ARMH3: variants seen among roughly 807,000 people sequenced by gnomAD.
ARMH3 encodes armadillo like helical domain containing 3.
Under a neutral mutation model 99.1 loss-of-function variants are expected in ARMH3, and 60 were observed. That is an observed-to-expected ratio of 0.61 (90% CI 0.49 to 0.75). The LOEUF (loss-of-function observed/expected upper bound fraction) is 0.75. Among genes scored for constraint, ARMH3 ranks in the 30% least tolerant of loss-of-function variants. The probability of loss-of-function intolerance (pLI) is 0.00; values close to 1 mark genes in which losing one functional copy is unlikely to be tolerated. For missense variants in ARMH3, 679 were observed against 843.1 expected (o/e 0.81, Z 2.41); for synonymous variants, 285 against 292.8 (o/e 0.97, Z 0.27).
At chr10:101,926,686 A>C (rs2135637794) in intron 23 of ARMH3, among the ~76,000 whole-genome samples, 1 of 152,330 alleles carries the variant, frequency 6.6e-6, no homozygotes, top group East Asian at 1.9e-4. Flanking sequence ...ACCTTATAAA[A>C]GTTATAACTA....
chr10:102,032,949 G>C (rs1238256249), intron 4 of ARMH3, 77 bp downstream of exon 4: 1 of 1,516,178 alleles, frequency 6.6e-7, no homozygotes, highest in Non-Finnish European at 8.9e-7. Context: ...GCAACTCTAG[G>C]TTCCTCAGTT....
chr10:101,958,609 A>T (rs1283755029), intron 20 of ARMH3, among the ~76,000 whole-genome samples: 1 of 152,156 alleles, frequency 6.6e-6, no homozygotes, highest in Non-Finnish European at 1.5e-5. Flanking sequence ...AAAGGGGTTC[A>T]GCAGCTGCAG....
At chr10:101,964,376 C>T (rs1039840376) in intron 20 of ARMH3, among the ~76,000 whole-genome samples, 1 of 152,102 alleles carries the variant, frequency 6.6e-6, no homozygotes, top group Non-Finnish European at 1.5e-5. Context: ...ATTAAACGCA[C>T]ACAATCTCAA....
chr10:102,025,635 T>G (rs2066983848), intron 5 of ARMH3, among the ~76,000 whole-genome samples: 1 of 149,910 alleles, frequency 6.7e-6, no homozygotes, highest in South Asian at 2.1e-4. Flanking sequence ...TATATGTTTC[T>G]TTTCTTTTCT....
chr10:101,934,634 T>C (rs185189568), intron 23 of ARMH3, among the ~76,000 whole-genome samples: 1 of 152,290 alleles, frequency 6.6e-6, no homozygotes, highest in Admixed American at 6.5e-5. Context: ...CACTATTTCT[T>C]TCTGTGAGCA....
At chr10:101,908,697 CTT>C (rs1435952130) in intron 23 of ARMH3, among the ~76,000 whole-genome samples, 1 of 143,826 alleles carries the variant, frequency 7.0e-6, no homozygotes, top group Non-Finnish European at 1.5e-5. Flanking sequence ...GAGTTTCGCT[CTT>C]GTCACCAAGG....
intron 6 of ARMH3, among the ~76,000 whole-genome samples, chr10:102,024,682 G>A (rs2066960805): frequency 6.6e-6 from 1 of 151,646 alleles, no homozygotes; most frequent in Non-Finnish European, 1.5e-5. Flanking sequence ...ATCTGGGCAT[G>A]GTGGCACATG....
At chr10:102,031,134 T>G (rs746298264) in intron 4 of ARMH3, among the ~76,000 whole-genome samples, 1 of 152,218 alleles carries the variant, frequency 6.6e-6, no homozygotes, top group Non-Finnish European at 1.5e-5. Context: ...GTCCCTTATA[T>G]AATAGCCAAC....
intron 24 of ARMH3, among the ~76,000 whole-genome samples, chr10:101,873,116 G>A (rs1016903551): frequency 9.2e-5 from 14 of 151,392 alleles, no homozygotes; most frequent in East Asian, 7.8e-4. Flanking sequence ...TGAAAACAGC[G>A]TGGCAGGCCG....
At chr10:101,944,108 G>T (rs1199619628) in intron 22 of ARMH3, among the ~76,000 whole-genome samples, 1 of 149,212 alleles carries the variant, frequency 6.7e-6, no homozygotes, top group African/African-American at 2.5e-5. Flanking sequence ...GATATATTCA[G>T]GAAGACTGAG....
At chr10:101,855,942 G>A (rs1241864109) in intron 24 of ARMH3, among the ~76,000 whole-genome samples, 1 of 151,880 alleles carries the variant, frequency 6.6e-6, no homozygotes, top group East Asian at 1.9e-4. Context: ...TCTCAATCCA[G>A]TGCTCTTCCT....
At chr10:101,905,405 C>A (rs1178930114) in intron 23 of ARMH3, among the ~76,000 whole-genome samples, 1 of 152,188 alleles carries the variant, frequency 6.6e-6, no homozygotes, top group Non-Finnish European at 1.5e-5. Flanking sequence ...AACAACCATA[C>A]CACAATGTGA....
At chr10:101,873,501 A>G (rs2067186315) in intron 24 of ARMH3, among the ~76,000 whole-genome samples, 1 of 152,200 alleles carries the variant, frequency 6.6e-6, no homozygotes, top group Non-Finnish European at 1.5e-5. Context: ...TAGTTTATAT[A>G]TTATAAAATT....
At chr10:102,024,767 C>T (rs1459637559) in intron 6 of ARMH3, among the ~76,000 whole-genome samples, 2 of 150,786 alleles carry the variant, frequency 1.3e-5, no homozygotes, top group African/African-American at 2.4e-5. Flanking sequence ...TGAAGTGAGC[C>T]GAGATCACGC....
chr10:101,911,463 G>A (rs61873600), intron 23 of ARMH3, among the ~76,000 whole-genome samples: 7,875 of 152,292 alleles, frequency 0.052, 225 homozygotes, highest in Middle Eastern at 0.096. Flanking sequence ...TAGGCTGGAC[G>A]CAGAGGCTTG....
chr10:101,937,662 T>C (rs1033211837), intron 23 of ARMH3, among the ~76,000 whole-genome samples: 2 of 151,936 alleles, frequency 1.3e-5, no homozygotes, highest in Non-Finnish European at 2.9e-5. Flanking sequence ...AAAAAGTACA[T>C]AATACACCCT....
At chr10:101,993,251 G>GA (rs1564830036) in intron 17 of ARMH3, among the ~76,000 whole-genome samples, 16 of 148,326 alleles carry the variant, frequency 1.1e-4, no homozygotes, top group African/African-American at 3.7e-4. Context: ...AGCCTGGGGG[G>GA]GAGAGAGAGA....
chr10:101,873,124 C>G (rs1282852452), intron 24 of ARMH3, among the ~76,000 whole-genome samples: 1 of 150,882 alleles, frequency 6.6e-6, no homozygotes, highest in Admixed American at 6.6e-5. Context: ...GCGTGGCAGG[C>G]CGGGCACAGT....
At chr10:101,968,119 G>GAT (rs1242769577) in intron 20 of ARMH3, among the ~76,000 whole-genome samples, 4 of 151,630 alleles carry the variant, frequency 2.6e-5, no homozygotes, top group Non-Finnish European at 5.9e-5. Context: ...CTCACAATTA[G>GAT]CACCCAGCCT....
Sources: allele counts gnomAD v4.1 joint callset (sites outside exome capture counted in the v4.1 genomes callset), GRCh38; gene constraint gnomAD v4.1.1; transcripts MANE v1.5; gene names NCBI Gene and HGNC (gene_info 2026-07-23, HGNC 2026-07-21).